ANKRD31: variants seen among roughly 807,000 people sequenced by gnomAD.
The protein encoded by ANKRD31 is ankyrin repeat domain-containing protein 31.
Under a neutral mutation model 186.0 loss-of-function variants are expected in ANKRD31, and 147 were observed. That is an observed-to-expected ratio of 0.79 (90% CI 0.69 to 0.91). ANKRD31 has a LOEUF of 0.91. Among genes scored for constraint, ANKRD31 ranks in the 40% least tolerant of loss-of-function variants. The probability of loss-of-function intolerance (pLI) is 0.00; values close to 1 mark genes in which losing one functional copy is unlikely to be tolerated. For synonymous variants in ANKRD31, 673 were observed against 736.4 expected (o/e 0.91, Z 1.39); for missense variants, 1,986 against 2,148.8 (o/e 0.92, Z 1.50).
intron 14 of ANKRD31, among the ~76,000 whole-genome samples, chr5:75,144,930 G>T (rs1366671742): frequency 1.3e-5 from 2 of 152,054 alleles, no homozygotes; most frequent in Non-Finnish European, 2.9e-5. Flanking sequence ...GTGGGCAAAT[G>T]ATATGAACAG....
At chr5:75,089,817 C>G (rs1745794287) in intron 23 of ANKRD31, among the ~76,000 whole-genome samples, 1 of 152,202 alleles carries the variant, frequency 6.6e-6, no homozygotes, top group African/African-American at 2.4e-5. Context: ...AGGTGCTAAA[C>G]AGTGTAACTC....
chr5:75,099,107 C>T (rs932152694), intron 22 of ANKRD31, among the ~76,000 whole-genome samples: 12 of 152,114 alleles, frequency 7.9e-5, no homozygotes, highest in Admixed American at 1.3e-4. Context: ...TACATCCCAT[C>T]GATACCTAGT....
At chr5:75,150,626 T>C (rs1751775762) in intron 12 of ANKRD31, among the ~76,000 whole-genome samples, 1 of 151,904 alleles carries the variant, frequency 6.6e-6, no homozygotes, top group Non-Finnish European at 1.5e-5. Flanking sequence ...TGGGATTCCT[T>C]TACATGAAAG....
intron 4 of ANKRD31, among the ~76,000 whole-genome samples, chr5:75,210,094 C>T (rs1283665216): frequency 1.3e-5 from 2 of 152,208 alleles, no homozygotes; most frequent in African/African-American, 4.8e-5. Context: ...ACAGACCATA[C>T]TTTGAGAATC....
At chr5:75,197,349 T>C (rs1284884560) in intron 6 of ANKRD31, among the ~76,000 whole-genome samples, 1 of 152,204 alleles carries the variant, frequency 6.6e-6, no homozygotes, top group African/African-American at 2.4e-5. Flanking sequence ...CGGCCTTAAA[T>C]ACCAGAATGG....
At chr5:75,185,975 G>A (rs73131069) in intron 10 of ANKRD31, among the ~76,000 whole-genome samples, 7,438 of 152,186 alleles carry the variant, frequency 0.049, 396 homozygotes, top group African/African-American at 0.13. Flanking sequence ...CAGTTTCAGG[G>A]CTGAAAGAAG....
chr5:75,077,848 C>CCGGGAGG (rs1395331238), intron 25 of ANKRD31, among the ~76,000 whole-genome samples: 34 of 150,406 alleles, frequency 2.3e-4, no homozygotes, highest in South Asian at 1.5e-3. Context: ...TGGCATGAAC[C>CCGGGAGG]CGGGAGGCGG....
At chr5:75,118,034 CATCT>C in intron 18 of ANKRD31, 97 bp downstream of exon 18, 1 of 905,488 alleles carries the variant, frequency 1.1e-6, no homozygotes, top group Non-Finnish European at 1.5e-6. Flanking sequence ...ACATAGGACA[CATCT>C]ATCCCAGTTA....
intron 1 of ANKRD31, among the ~76,000 whole-genome samples, chr5:75,231,343 T>C (rs1019468529): frequency 6.6e-6 from 1 of 152,026 alleles, no homozygotes; most frequent in Non-Finnish European, 1.5e-5. Flanking sequence ...CCCAAAGTGC[T>C]GGGATTACAG....
In ANKRD31 at chr5:75,218,660, C is replaced by T. The variant is rs187466188; in HGVS notation, c.288+3589G>A. On this transcript the variant is annotated intron_variant, in intron 3 of 25. Transcript: ENST00000506364. ...ACAACAAAAAAAAGAAAACTTCAGG[C>T]CAATATCCTTGATGAATATATATGC... Among the ~76,000 whole-genome samples the T allele has an allele frequency of 7.9e-5, 12 of 152,196 alleles. No individual in the cohort carries two copies. The East Asian group carries it at 2.1e-3, about 27-fold the overall frequency.
intron 17 of ANKRD31, among the ~76,000 whole-genome samples, chr5:75,120,087 G>T (rs183071427): frequency 7.2e-5 from 11 of 152,090 alleles, no homozygotes; most frequent in Non-Finnish European, 1.5e-4. Context: ...GTAAAGAATC[G>T]TTACTAACTA....
intron 22 of ANKRD31, among the ~76,000 whole-genome samples, chr5:75,096,523 C>G (rs1253637289): frequency 6.6e-6 from 1 of 152,024 alleles, no homozygotes; most frequent in Non-Finnish European, 1.5e-5. Context: ...TAATTAGATC[C>G]CATTTGTCAA....
At position 75,116,577 on chromosome 5, in the gene ANKRD31, T is replaced by C; in HGVS notation, c.4144A>G (p.Ser1382Gly). The C allele has an allele frequency of 7.0e-7, 1 of 1,422,374 alleles. No individual in the cohort carries two copies. The highest frequency in any genetic ancestry group is 1.4e-5 in the African/African-American group (1 of 70,540). 88.1% of individuals were successfully genotyped at this position (1,422,374 alleles called of 1,614,324 possible). The change falls in exon 19 of 26, where the codon AGC becomes GGC. Residue 1382 changes from serine to glycine, a missense_variant. Transcript: ENST00000506364. ...SLSHQERSRE[S>G]LSVHQTLSAI... ...TTAACTTCACTCACCACAGAAAGGC[T>C]TTCTCTTGATCTTTCTTGGTGTGAA...
intron 22 of ANKRD31, among the ~76,000 whole-genome samples, chr5:75,098,469 A>G (rs1561416738): frequency 7.3e-6 from 1 of 136,620 alleles, no homozygotes; most frequent in Non-Finnish European, 1.5e-5. Context: ...TCTGTGAAGA[A>G]AGTCATTGGT....
chr5:75,119,012 A>G (rs1185652005), intron 17 of ANKRD31, among the ~76,000 whole-genome samples: 8 of 152,298 alleles, frequency 5.3e-5, no homozygotes, highest in Admixed American at 5.2e-4. Flanking sequence ...CTTGTTCAGG[A>G]CGTTTTATGA....
At chr5:75,131,870 G>A (rs1749872216) in intron 17 of ANKRD31, among the ~76,000 whole-genome samples, 2 of 152,160 alleles carry the variant, frequency 1.3e-5, no homozygotes, top group Non-Finnish European at 2.9e-5. Context: ...CTGTTCTGCA[G>A]CCTCCGCTGG....
Position 75,104,286 on chromosome 5 carries a change from T to C in ANKRD31, c.5273A>G (p.Asp1758Gly). The change falls in exon 22 of 26, where the codon GAT becomes GGT. Residue 1758 changes from aspartate (D) to glycine (G), a missense_variant. By Grantham distance (94) the Asp-to-Gly change is moderately conservative. Transcript: ENST00000506364. ...GTTAATTCTTCCTAGTAATATCAAA[T>C]CTTTTATCTGAATACATTTCTTTTT... ...APKKKCIQIK[D>G]LILLGRINPG... The C allele has an allele frequency of 6.5e-7, 1 of 1,534,376 alleles. No homozygotes were observed.
At chr5:75,152,315 C>T (rs1403567460) in intron 12 of ANKRD31, among the ~76,000 whole-genome samples, 1 of 152,010 alleles carries the variant, frequency 6.6e-6, no homozygotes, top group Admixed American at 6.6e-5. Context: ...CAGGAAGACA[C>T]AGAGCTTTAG....
At chr5:75,193,218 T>C in intron 8 of ANKRD31, 93 bp downstream of exon 8, 1 of 1,341,276 alleles carries the variant, frequency 7.5e-7, no homozygotes, top group Non-Finnish European at 9.9e-7. Context: ...TTCCCCTGTG[T>C]TAACTGTATA....
Sources: allele counts gnomAD v4.1 joint callset (sites outside exome capture counted in the v4.1 genomes callset), GRCh38; gene constraint gnomAD v4.1.1; transcripts MANE v1.5; gene names NCBI Gene and HGNC (gene_info 2026-07-23, HGNC 2026-07-21).